Variants in MYBPC1 observed in about 807,000 individuals in gnomAD.
MYBPC1 encodes the protein myosin-binding protein C, slow-type.
MYBPC1 carries 52 observed loss-of-function variants against 147.1 expected under a neutral mutation model. The observed-to-expected ratio is 0.35, with a 90% CI of 0.28 to 0.45. The LOEUF (loss-of-function observed/expected upper bound fraction) is 0.45. Among genes scored for constraint, MYBPC1 ranks in the 20% least tolerant of loss-of-function variants. The pLI is 1.00. For missense variants in MYBPC1, 1,228 were observed against 1,440.3 expected (o/e 0.85, Z 2.39); for synonymous variants, 477 against 475.9 (o/e 1.00, Z -0.03).
In MYBPC1 at chr12:101,680,442, C is replaced by A; in HGVS notation, c.3346C>A (p.Pro1116Thr). Residue 1116 changes from proline to threonine, a missense_variant, in exon 29 of 32, where the codon CCC (proline) becomes ACC (threonine). By Grantham distance (38) the Pro-to-Thr change is conservative (BLOSUM62 -1). Transcript: ENST00000361466. ...QGVCTLEIRK[P>T]SPYDGGTYCC... ...AGTCTGTACCCTGGAAATTCGCAAG[C>A]CCAGCCCCTATGATGGAGGCACTTA... The A allele has an allele frequency of 6.2e-7, 1 of 1,614,114 alleles. No individual in the cohort carries two copies. Among genetic ancestry groups the A allele is most frequent in the Non-Finnish European group, 8.5e-7 (1 of 1,180,000 alleles).
At chr12:101,663,631 T>A in intron 22 of MYBPC1, 71 bp downstream of exon 22, 1 of 1,530,292 alleles carries the variant, frequency 6.5e-7, no homozygotes, top group Admixed American at 1.8e-5. Flanking sequence ...CTTTCTTTTG[T>A]CTCTCTTTCT....
chr12:101,641,283 C>A (rs1021297064), intron 10 of MYBPC1, among the ~76,000 whole-genome samples: 5 of 152,076 alleles, frequency 3.3e-5, no homozygotes, highest in African/African-American at 9.7e-5. Flanking sequence ...ATCAGCATTA[C>A]GGTAAGCAGT....
chr12:101,688,781 C>A (rs1951381949), downstream of MYBPC1, among the ~76,000 whole-genome samples: 1 of 151,002 alleles, frequency 6.6e-6, no homozygotes. Flanking sequence ...GGCAAGATAA[C>A]AAAACCCCAT....
At chr12:101,607,582 G>T (rs1454935066) in intron 1 of MYBPC1, among the ~76,000 whole-genome samples, 2 of 152,026 alleles carry the variant, frequency 1.3e-5, no homozygotes, top group Non-Finnish European at 2.9e-5. Context: ...AACAGAACTA[G>T]AATCATAACA....
At chr12:101,620,380 C>T (rs1029867548) in intron 3 of MYBPC1, among the ~76,000 whole-genome samples, 3 of 152,154 alleles carry the variant, frequency 2.0e-5, no homozygotes, top group Non-Finnish European at 4.4e-5. Flanking sequence ...TATTCTAGCA[C>T]GTATTTATTC....
chr12:101,653,728 G>C (rs2136326293), intron 18 of MYBPC1, among the ~76,000 whole-genome samples: 1 of 152,234 alleles, frequency 6.6e-6, no homozygotes, highest in South Asian at 2.1e-4. Context: ...AAGTGCAAAG[G>C]CCAAGGGGAG....
At chr12:101,646,110 G>A (rs1208416937) in intron 12 of MYBPC1, among the ~76,000 whole-genome samples, 3 of 152,126 alleles carry the variant, frequency 2.0e-5, no homozygotes, top group Non-Finnish European at 4.4e-5. Context: ...AATGTACAGA[G>A]TTAAAAATCT....
downstream of MYBPC1, among the ~76,000 whole-genome samples, chr12:101,690,217 C>T (rs1193019155): frequency 6.6e-6 from 1 of 151,888 alleles, no homozygotes; most frequent in Non-Finnish European, 1.5e-5. Context: ...TGCCCCAGAT[C>T]CTTAAGTTCG....
At chr12:101,640,374 T>G (rs1393106377) in intron 10 of MYBPC1, among the ~76,000 whole-genome samples, 6 of 152,178 alleles carry the variant, frequency 3.9e-5, no homozygotes, top group Non-Finnish European at 7.3e-5. Context: ...AAAGGATGTA[T>G]TTGAAGTGTT....
intron 16 of MYBPC1, among the ~76,000 whole-genome samples, chr12:101,651,763 A>G (rs1894510236): frequency 6.6e-6 from 1 of 152,066 alleles, no homozygotes; most frequent in Non-Finnish European, 1.5e-5. Context: ...TACATGGCAA[A>G]ACCTCATCTC....
intron 28 of MYBPC1, among the ~76,000 whole-genome samples, chr12:101,679,624 G>T (rs1441466632): frequency 6.6e-6 from 1 of 152,082 alleles, no homozygotes; most frequent in Non-Finnish European, 1.5e-5. Flanking sequence ...TGGGCAATTG[G>T]GTCATTACTG....
intron 1 of MYBPC1, among the ~76,000 whole-genome samples, chr12:101,611,692 A>G (rs1332560267): frequency 6.6e-6 from 1 of 152,236 alleles, no homozygotes; most frequent in African/African-American, 2.4e-5. Flanking sequence ...AAATATACAG[A>G]GACTATTAGA....
chr12:101,653,849 C>T (rs186920370), intron 18 of MYBPC1, among the ~76,000 whole-genome samples: 1 of 151,388 alleles, frequency 6.6e-6, no homozygotes, highest in East Asian at 2.0e-4. Context: ...AGTGCCAGCT[C>T]AAGTGTGACT....
chr12:101,683,541 A>G (rs1736010228), intron 30 of MYBPC1, among the ~76,000 whole-genome samples: 2 of 151,408 alleles, frequency 1.3e-5, no homozygotes, highest in Non-Finnish European at 3.0e-5. Context: ...GGACATTTTC[A>G]TGGGGACTCA....
chr12:101,648,239 T>C (rs952770416), intron 14 of MYBPC1, 89 bp downstream of exon 14: 5 of 927,400 alleles, frequency 5.4e-6, no homozygotes, highest in Non-Finnish European at 8.6e-6. Flanking sequence ...CAAATAGCTT[T>C]TAAACCTTTG....
At chr12:101,628,800 C>G (rs1377902382) in intron 5 of MYBPC1, among the ~76,000 whole-genome samples, 1 of 152,202 alleles carries the variant, frequency 6.6e-6, no homozygotes, top group Non-Finnish European at 1.5e-5. Flanking sequence ...TTCCAGTTCT[C>G]TGTTTCGTTT....
At chr12:101,650,390 A>C (rs1894183919) in intron 15 of MYBPC1, among the ~76,000 whole-genome samples, 1 of 152,208 alleles carries the variant, frequency 6.6e-6, no homozygotes, top group South Asian at 2.1e-4. Flanking sequence ...CAGTTGACTC[A>C]CAGTTCCGCA....
In MYBPC1 at chr12:101,648,163, A is replaced by C; in HGVS notation, c.1196+13A>C. On this transcript the variant is annotated intron_variant, in intron 14 of 31. Coordinates refer to ENST00000361466, the MANE Select transcript of MYBPC1 (RefSeq NM_002465.4). ...CCAATGTAAAATGGTAAATAGCCTT[A>C]ATGAAGTCTGTCCATGTTTAATAGA... The C allele has an allele frequency of 6.3e-7, 1 of 1,584,512 alleles. No homozygotes were observed. Among genetic ancestry groups the C allele is most frequent in the Non-Finnish European group, 8.6e-7 (1 of 1,157,962 alleles).
At chr12:101,658,277 A>G (rs1895942174) in intron 18 of MYBPC1, among the ~76,000 whole-genome samples, 1 of 152,206 alleles carries the variant, frequency 6.6e-6, no homozygotes, top group Non-Finnish European at 1.5e-5. Flanking sequence ...TCAACAGGCT[A>G]AAGGAGAAAA....
Sources: allele counts gnomAD v4.1 joint callset (sites outside exome capture counted in the v4.1 genomes callset), GRCh38; gene constraint gnomAD v4.1.1; transcripts MANE v1.5; gene names NCBI Gene and HGNC (gene_info 2026-07-23, HGNC 2026-07-21).